The following SPRTN variants were observed in gnomAD, a reference collection of about 807,000 sequenced individuals.
SPRTN encodes DNA-dependent metalloprotease SPRTN.
SPRTN carries 11 observed loss-of-function variants against 31.9 expected under a neutral mutation model. That is an observed-to-expected ratio of 0.34 (90% CI 0.22 to 0.57). The LOEUF is 0.57. Ranked by LOEUF, SPRTN falls within the 20% of genes least tolerant of loss-of-function variation. The pLI, the probability that SPRTN is intolerant of heterozygous loss-of-function variation, is 0.86. For missense variants in SPRTN, 482 were observed against 590.1 expected (o/e 0.82, Z 1.90); for synonymous variants, 185 against 212.1 (o/e 0.87, Z 1.11).
chr1:231,346,617 G>T (rs1177983777), intron 2 of SPRTN, among the ~76,000 whole-genome samples: 4 of 151,966 alleles, frequency 2.6e-5, no homozygotes, highest in African/African-American at 7.3e-5. Context: ...TTCTGAGTTT[G>T]TCTTTTTACT....
In SPRTN at chr1:231,351,417, C is replaced by T. The variant is rs1687233518; in HGVS notation, c.564C>T (p.Asn188=). 2.5e-6 allele frequency: 4 copies of T among 1,614,120 alleles called. No homozygotes were observed. The highest frequency in any genetic ancestry group is 2.5e-6 in the Non-Finnish European group (3 of 1,180,026). The change falls in exon 4 of 5, where the codon AAC becomes AAT. Residue 188 remains asparagine, a synonymous_variant. Transcript: ENST00000295050. ...PYYGYVKRAT[N]REPSAHDYWW... ...ACGGCTATGTCAAACGAGCTACTAA[C>T]AGGGAACCCTCTGCTCATGACTATT... is the stretch of plus-strand genomic sequence containing the variant.
intron 3 of SPRTN, among the ~76,000 whole-genome samples, chr1:231,349,625 A>C (rs1171221803): frequency 6.6e-6 from 1 of 152,186 alleles, no homozygotes; most frequent in African/African-American, 2.4e-5. Context: ...GGAACTCTGC[A>C]GGGTATCTAC....
In SPRTN at chr1:231,351,398, A is replaced by T. The variant is rs765691184; in HGVS notation, c.545A>T (p.Tyr182Phe). ...PCQHRPPYYG[Y>F]VKRATNREPS... The stretch of plus-strand genomic sequence containing the variant: ...CAGCACAGGCCACCGTATTACGGCT[A>T]TGTCAAACGAGCTACTAACAGGGAA... The change falls in exon 4 of 5, where the codon TAT becomes TTT. Residue 182 changes from tyrosine (Y) to phenylalanine (F), a missense_variant. Physicochemically the swap from Tyr to Phe is conservative, Grantham distance 22. This residue lies in a region of SPRTN where 325 missense variants were observed against 350.2 expected (regional missense o/e 0.93). Coordinates refer to ENST00000295050, the MANE Select transcript of SPRTN (RefSeq NM_032018.7). The T allele has an allele frequency of 1.2e-5, 20 of 1,614,028 alleles. No homozygotes were observed. Among genetic ancestry groups the T allele is most frequent in the Non-Finnish European group, 1.7e-5 (20 of 1,180,036 alleles).
intron 2 of SPRTN, among the ~76,000 whole-genome samples, chr1:231,340,248 T>C (rs1686838685): frequency 6.6e-6 from 1 of 151,046 alleles, no homozygotes; most frequent in African/African-American, 2.4e-5. Context: ...GCGCCTGTAG[T>C]CCCAGCTACT....
chr1:231,347,538 T>A, intron 2 of SPRTN: 1 of 325,970 alleles, frequency 3.1e-6, no homozygotes, highest in Non-Finnish European at 5.6e-6. Flanking sequence ...AATTTTTGTA[T>A]TTTTTTGTAG....
At chr1:231,343,737 C>G (rs934449035) in intron 2 of SPRTN, among the ~76,000 whole-genome samples, 1 of 152,060 alleles carries the variant, frequency 6.6e-6, no homozygotes, top group Non-Finnish European at 1.5e-5. Flanking sequence ...GTTTCCCTGA[C>G]TCTAAGGCTC....
At chr1:231,341,361 C>T (rs2102862294) in intron 2 of SPRTN, among the ~76,000 whole-genome samples, 1 of 151,184 alleles carries the variant, frequency 6.6e-6, no homozygotes, top group Non-Finnish European at 1.5e-5. Flanking sequence ...GGAATATTTG[C>T]ATTATACTTA....
chr1:231,352,150 C>T lies in SPRTN; in HGVS notation c.719-460C>T, dbSNP rs1253322362. On this transcript the variant is annotated intron_variant, in intron 4 of 4. Transcript: ENST00000295050. ...CAGAGTTACTGAAGATGCTTCTTCCCTTGGGAAGTTGTTGACCCAAGAACA... is the reference window on the plus strand; with the variant it reads ...CAGAGTTACTGAAGATGCTTCTTCCTTTGGGAAGTTGTTGACCCAAGAACA... The T allele has an allele frequency of 5.1e-6, 5 of 989,254 alleles. No individual in the cohort carries two copies. The African/African-American group carries it at 7.0e-5, about 14-fold the overall frequency. The allele number at this position is 989,254 out of a possible 1,614,324, so 61.3% of individuals were successfully genotyped here. A position where few individuals can be genotyped will look rare whatever the true frequency, so the allele number is the denominator to read the frequency against.
intron 2 of SPRTN, among the ~76,000 whole-genome samples, chr1:231,342,100 C>T (rs1686912426): frequency 1.3e-5 from 2 of 152,260 alleles, no homozygotes; most frequent in South Asian, 4.1e-4. Flanking sequence ...AATGTTAACA[C>T]AACCTTCTTA....
Position 231,338,617 on chromosome 1 carries a change from C to A in SPRTN, c.221+13C>A. 1.9e-6 allele frequency: 3 copies of A among 1,613,776 alleles called. No homozygotes were observed. The highest frequency in any genetic ancestry group is 1.1e-5 in the South Asian group (1 of 91,078). On this transcript the variant is annotated intron_variant, in intron 1 of 4. Transcript: ENST00000295050. ...TGCGAATGACCCTGTGAGTTCCGAG[C>A]CCCGCTGGGGAAAGAGGCGGGACTG...
rs144931538 is a variant in SPRTN at position 231,353,048 on chromosome 1, C to T, written c.1157C>T (p.Thr386Met). 65 of 1,614,104 alleles carry T rather than the reference C, an allele frequency of 4.0e-5. No homozygotes were observed. The highest frequency in any genetic ancestry group is 5.2e-5 in the Non-Finnish European group (61 of 1,179,998). Residue 386 changes from threonine to methionine, a missense_variant, in exon 5 of 5, where the codon ACG becomes ATG. Physicochemically the swap from Thr to Met is moderately conservative, Grantham distance 81. Transcript: ENST00000295050. ...TCCCTAAGAAATTCTTCAAAAGTAA[C>T]GGAATCAGCATCTGTGATGCCATCC... ...KISLRNSSKV[T>M]ESASVMPSQD...
At chr1:231,340,485 A>G (rs1686849242) in intron 2 of SPRTN, among the ~76,000 whole-genome samples, 1 of 152,238 alleles carries the variant, frequency 6.6e-6, no homozygotes, top group South Asian at 2.1e-4. Context: ...AGAGAGGTTA[A>G]GTAACTGGCT....
chr1:231,342,116 C>T (rs1378465928), intron 2 of SPRTN, among the ~76,000 whole-genome samples: 1 of 152,084 alleles, frequency 6.6e-6, no homozygotes, highest in African/African-American at 2.4e-5. Context: ...TCTTAGTAAC[C>T]CAATGAATAA....
At chr1:231,341,251 C>A (rs192436779) in intron 2 of SPRTN, among the ~76,000 whole-genome samples, 43 of 151,590 alleles carry the variant, frequency 2.8e-4, no homozygotes, top group African/African-American at 9.9e-4. Context: ...AAGTAATCAT[C>A]CAAACACTTA....
At chr1:231,338,908 A>G (rs1686774303) in intron 1 of SPRTN, among the ~76,000 whole-genome samples, 1 of 152,216 alleles carries the variant, frequency 6.6e-6, no homozygotes, top group Non-Finnish European at 1.5e-5. Context: ...GATTTGCCTT[A>G]TGATAGTGCT....
In SPRTN at chr1:231,353,610, T is replaced by G; in HGVS notation, c.*249T>G. The G allele has an allele frequency of 1.3e-5, 15 of 1,135,626 alleles. No individual in the cohort carries two copies. Among genetic ancestry groups the G allele is most frequent in the Non-Finnish European group, 1.6e-5 (15 of 925,184 alleles). 70.3% of individuals were successfully genotyped at this position (1,135,626 alleles called of 1,614,324 possible). A position where few individuals can be genotyped will look rare whatever the true frequency, so the allele number is the denominator to read the frequency against. The stretch of plus-strand genomic sequence containing the variant: ...AGGTTCTGCCTGTCGTGTATAAGTT[T>G]TAGATACTTTTGTTCTTTCTTGCTC... On this transcript the variant is annotated 3_prime_UTR_variant, in exon 5 of 5. Coordinates refer to ENST00000295050, the MANE Select transcript of SPRTN (RefSeq NM_032018.7).
chr1:231,354,883 C>G lies in SPRTN; in HGVS notation c.*1522C>G. ...TAAATTCTGCCAGTTTACACTCCTA[C>G]CAGCAATGTATGAGAGTTTTAGTTG... On this transcript the variant is annotated 3_prime_UTR_variant, in exon 5 of 5. Coordinates refer to ENST00000295050, the MANE Select transcript of SPRTN (RefSeq NM_032018.7). 1 of 425,584 alleles carries G rather than the reference C, an allele frequency of 2.3e-6. No homozygotes were observed. Among genetic ancestry groups the G allele is most frequent in the South Asian group, 1.0e-4 (1 of 9,926 alleles). The allele number at this position is 425,584 out of a possible 1,614,324, so 26.4% of individuals were successfully genotyped here.
intron 3 of SPRTN, among the ~76,000 whole-genome samples, chr1:231,350,584 G>GA (rs1416874036): frequency 2.0e-5 from 3 of 152,120 alleles, no homozygotes; most frequent in Non-Finnish European, 4.4e-5. Flanking sequence ...TTGACTCAAT[G>GA]AATGATGCTT....
In SPRTN at chr1:231,354,262, A is replaced by G; in HGVS notation, c.*901A>G. On this transcript the variant is annotated 3_prime_UTR_variant, in exon 5 of 5. Coordinates refer to ENST00000295050, the MANE Select transcript of SPRTN (RefSeq NM_032018.7). ...TTGTGCATTTTAAGTAATCTTTTTT[A>G]AAAAAAATATTTTCCATGTTATAGG... 1 of 972,318 alleles carries G rather than the reference A, an allele frequency of 1.0e-6. No homozygotes were observed. The highest frequency in any genetic ancestry group is 1.1e-4 in the East Asian group (1 of 8,762). 60.2% of individuals were successfully genotyped at this position (972,318 alleles called of 1,614,324 possible).
Sources: allele counts gnomAD v4.1 joint callset (sites outside exome capture counted in the v4.1 genomes callset), GRCh38; gene constraint gnomAD v4.1.1; regional missense constraint gnomAD v4.1.1; transcripts MANE v1.5; gene names NCBI Gene and HGNC (gene_info 2026-07-23, HGNC 2026-07-21).